PM20D1: variants seen among roughly 807,000 people sequenced by gnomAD.
The protein encoded by PM20D1 is N-fatty-acyl-amino acid synthase/hydrolase PM20D1.
Under a neutral mutation model 53.8 loss-of-function variants are expected in PM20D1, and 53 were observed. The ratio of observed to expected loss-of-function variants is 0.98; its 90% confidence interval spans 0.79 to 1.24. The LOEUF is 1.24. Among genes scored for constraint, PM20D1 ranks in the 50% most tolerant of loss-of-function variants. The pLI is 0.00. For missense variants in PM20D1, 564 were observed against 616.8 expected (o/e 0.91, Z 0.91); for synonymous variants, 239 against 241.3 (o/e 0.99, Z 0.09).
chr1:205,839,910 C>CAAAAAAAAAAAAAA, intron 10 of PM20D1, among the ~76,000 whole-genome samples: 1 of 58,084 alleles, frequency 1.7e-5, no homozygotes, highest in Non-Finnish European at 2.8e-5. Flanking sequence ...GACTCTGACT[C>CAAAAAAAAAAAAAA]AAAAAAAAAA....
At chr1:205,844,533 T>C (rs1195972921) in intron 4 of PM20D1, among the ~76,000 whole-genome samples, 4 of 152,140 alleles carry the variant, frequency 2.6e-5, no homozygotes, top group African/African-American at 2.4e-5. Flanking sequence ...TCTTTTTCCA[T>C]CACACGTATG....
chr1:205,840,107 AT>A lies in PM20D1; in HGVS notation c.1116+144del, dbSNP rs1656772666. The A allele has an allele frequency of 7.1e-6, 4 of 565,036 alleles. No individual in the cohort carries two copies. The South Asian group carries it at 1.6e-4, about 22-fold the overall frequency. 35.0% of individuals were successfully genotyped at this position (565,036 alleles called of 1,614,324 possible). ...CCAGGATCTCCAATCCTAATGAAGT[AT>A]CCGGTGCATAGGTTGTCTTTGAAAA... On this transcript the variant is annotated intron_variant, in intron 10 of 12. Transcript: ENST00000367136.
chr1:205,830,038 A>T, intron 12 of PM20D1: 3 of 410,292 alleles, frequency 7.3e-6, no homozygotes, highest in Non-Finnish European at 1.3e-5. Context: ...GGTTCTCCCC[A>T]ATCACCCAAT....
At chr1:205,838,002 C>G (rs865913875) in intron 10 of PM20D1, among the ~76,000 whole-genome samples, 2 of 152,092 alleles carry the variant, frequency 1.3e-5, no homozygotes. Flanking sequence ...CCCCCACTCC[C>G]CCAACCCCCT....
chr1:205,844,278 G>C, intron 4 of PM20D1, 61 bp from the exon 5 acceptor site: 1 of 1,502,996 alleles, frequency 6.7e-7, no homozygotes, highest in Non-Finnish European at 8.9e-7. Context: ...TCCAGACATA[G>C]CTAATGGGGA....
intron 3 of PM20D1, among the ~76,000 whole-genome samples, 162 bp from the exon 4 acceptor site, chr1:205,845,059 C>T (rs12083199): frequency 4.4e-4 from 67 of 152,208 alleles, no homozygotes; most frequent in Middle Eastern, 3.4e-3. Context: ...GGACCTGATG[C>T]GGAGAAACAG....
At chr1:205,839,825 C>A (rs1161806844) in intron 10 of PM20D1, among the ~76,000 whole-genome samples, 1 of 143,608 alleles carries the variant, frequency 7.0e-6, no homozygotes. Context: ...GCAGGAGAAT[C>A]GCTTGAACCC....
chr1:205,828,074 T>C lies in PM20D1; in HGVS notation c.*546A>G, dbSNP rs1243499674. On this transcript the variant is annotated 3_prime_UTR_variant, in exon 13 of 13. Coordinates refer to ENST00000367136, the MANE Select transcript of PM20D1 (RefSeq NM_152491.5). ...CTGATTATGGTGACAATTATGGTAG[T>C]ATCACAGTTTGGGTAAGTCCAGGTC... 1 of 152,838 alleles carries C rather than the reference T, an allele frequency of 6.5e-6. No individual in the cohort carries two copies. Among genetic ancestry groups the C allele is most frequent in the Non-Finnish European group, 1.5e-5 (1 of 68,568 alleles). 9.5% of individuals were successfully genotyped at this position (152,838 alleles called of 1,614,324 possible).
chr1:205,847,804 ACTT>A (rs1199430354), intron 2 of PM20D1, 78 bp downstream of exon 2: 1 of 888,580 alleles, frequency 1.1e-6, no homozygotes, highest in Non-Finnish European at 1.9e-6. Flanking sequence ...CGCAAAATAA[ACTT>A]CTTTATCACT....
chr1:205,839,092 G>T (rs1038679512), intron 10 of PM20D1, among the ~76,000 whole-genome samples: 1 of 152,158 alleles, frequency 6.6e-6, no homozygotes, highest in Non-Finnish European at 1.5e-5. Context: ...TCCTGCCACA[G>T]ATTTCACAGA....
chr1:205,828,468 C>T lies in PM20D1; in HGVS notation c.*152G>A, dbSNP rs1185007582. On this transcript the variant is annotated 3_prime_UTR_variant, in exon 13 of 13. Transcript: ENST00000367136. ...TTCTGCTGACTTTACCTTACCCCGG[C>T]CTTGTTCTTGGGAGAGTTTAAGAGT... 29 of 1,132,082 alleles carry T rather than the reference C, an allele frequency of 2.6e-5. No individual in the cohort carries two copies. The highest frequency in any genetic ancestry group is 4.7e-5 in the African/African-American group (3 of 63,512). 70.1% of individuals were successfully genotyped at this position (1,132,082 alleles called of 1,614,324 possible).
At chr1:205,840,374 C>T in intron 9 of PM20D1, 51 bp from the exon 10 acceptor site, 1 of 1,526,222 alleles carries the variant, frequency 6.6e-7, no homozygotes, top group Non-Finnish European at 9.0e-7. Flanking sequence ...AAATCTTCTA[C>T]ATCTGCCTGC....
chr1:205,842,122 G>A, intron 8 of PM20D1, 32 bp downstream of exon 8: 1 of 1,587,856 alleles, frequency 6.3e-7, no homozygotes, highest in Non-Finnish European at 8.6e-7. Context: ...TTTGAGGTGA[G>A]GGATGTGAAA....
rs2102523193 is a variant in PM20D1 at position 205,832,712 on chromosome 1, A to G, written c.1171T>C (p.Leu391=). ...VADNRVQFHV[L]SAFDPLPVSP... ...ACGGGGAGGGGGTCAAAGGCACTCA[A>G]CACATGGAACTGGACTCTGTTATCA... is the stretch of plus-strand genomic sequence containing the variant. Residue 391 remains leucine, a synonymous_variant, in exon 11 of 13, where the codon TTG becomes CTG. Transcript: ENST00000367136. The G allele has an allele frequency of 6.2e-7, 1 of 1,613,834 alleles. No individual in the cohort carries two copies. Among genetic ancestry groups the G allele is most frequent in the Non-Finnish European group, 8.5e-7 (1 of 1,179,870 alleles).
rs569549833 is a variant in PM20D1, at chr1:205,834,396, AT to A, written c.1117-1631del. 6.8e-4 allele frequency among the ~76,000 whole-genome samples: 103 copies of A among 152,102 alleles called. 1 individual carries two copies. The highest frequency in any genetic ancestry group is 2.4e-3 in the African/African-American group (99 of 41,540). On this transcript the variant is annotated intron_variant, in intron 10 of 12. Transcript: ENST00000367136. ...GTCTTGAAACTCTTGACCTCAGGTG[AT>A]CTGTCTGCCTTGCCCTCCCAAAGTG...
intron 1 of PM20D1, among the ~76,000 whole-genome samples, chr1:205,848,303 T>G (rs995334692): frequency 2.0e-5 from 3 of 152,204 alleles, no homozygotes; most frequent in Non-Finnish European, 4.4e-5. Context: ...GAAGCTACTA[T>G]AAATTGCTTC....
chr1:205,844,136 C>T lies in PM20D1; in HGVS notation c.658G>A (p.Gly220Ser). 1 of 1,613,870 alleles carries T rather than the reference C, an allele frequency of 6.2e-7. No homozygotes were observed. Among genetic ancestry groups the T allele is most frequent in the Non-Finnish European group, 8.5e-7 (1 of 1,179,948 alleles). Residue 220 changes from glycine (G) to serine (S), a missense_variant, in exon 5 of 13, where the codon GGC becomes AGC. By Grantham distance (56) the Gly-to-Ser change is moderately conservative. Coordinates refer to ENST00000367136, the MANE Select transcript of PM20D1 (RefSeq NM_152491.5). ...VQLAFIVDEG[G>S]FILDDFIPNF... Reference sequence around the variant, plus strand: ...GGAATGAAATCATCCAAGATGAAGCCCCCCTCGTCCACAATGAAGGCTAGC... The same window carrying T: ...GGAATGAAATCATCCAAGATGAAGCTCCCCTCGTCCACAATGAAGGCTAGC...
In PM20D1 at chr1:205,842,729, T is replaced by C. The variant is rs1656842136; in HGVS notation, c.850A>G (p.Ile284Val). ...ACCACTGTCCCGCTTCCAAATATGA[T>C]AGGCATTGGTGTCTGCTCCAATCTG... is the stretch of plus-strand genomic sequence containing the variant. ...VSRLEQTPMP[I>V]IFGSGTVVTV... The change falls in exon 7 of 13, where the codon ATC (isoleucine) becomes GTC (valine). Residue 284 changes from isoleucine to valine, a missense_variant. Transcript: ENST00000367136. 5 of 1,613,958 alleles carry C rather than the reference T, an allele frequency of 3.1e-6. No individual in the cohort carries two copies. The highest frequency in any genetic ancestry group is 3.3e-4 in the Middle Eastern group (2 of 6,084).
intron 12 of PM20D1, 36 bp downstream of exon 12, chr1:205,830,244 T>C: frequency 6.9e-7 from 1 of 1,459,728 alleles, no homozygotes; most frequent in Non-Finnish European, 9.6e-7. Context: ...GTGTATTTCT[T>C]TTCTCCCACC....
Sources: gnomAD v4.1 joint callset for allele counts (sites outside exome capture counted in the v4.1 genomes callset) on GRCh38, gnomAD v4.1.1 for gene constraint, MANE v1.5 for transcripts, NCBI Gene and HGNC (gene_info 2026-07-23, HGNC 2026-07-21) for gene names.